GUCD1: variants seen among roughly 807,000 people sequenced by gnomAD.
GUCD1 encodes protein GUCD1.
Under a neutral mutation model 28.3 loss-of-function variants are expected in GUCD1, and 17 were observed. That is an observed-to-expected ratio of 0.60 (90% CI 0.41 to 0.90). The LOEUF is 0.90. Ranked by LOEUF, GUCD1 falls within the 40% of genes least tolerant of loss-of-function variation. The pLI, the probability that GUCD1 is intolerant of heterozygous loss-of-function variation, is 0.00. For synonymous variants in GUCD1, 129 were observed against 123.3 expected (o/e 1.05, Z -0.30); for missense variants, 279 against 305.5 (o/e 0.91, Z 0.65).
At chr22:24,552,445 A>T (rs1383690608) in intron 1 of GUCD1, among the ~76,000 whole-genome samples, 1 of 152,168 alleles carries the variant, frequency 6.6e-6, no homozygotes, top group Non-Finnish European at 1.5e-5. Context: ...TGAATGTTTA[A>T]TAGTAACTCA....
Position 24,543,919 on chromosome 22 carries a change from T to C in GUCD1, c.551A>G (p.Gln184Arg), listed in dbSNP as rs1461809680. Reference protein sequence around the residue: ...HHCFCRTPDYQGHFIVLRGYN... With the variant: ...HHCFCRTPDYRGHFIVLRGYN... ...GCCACGCAGCACGATGAAGTGGCCCTGGTAGTCAGGAGTGCGGCAGAAGCA... is the reference window on the plus strand; with the variant it reads ...GCCACGCAGCACGATGAAGTGGCCCCGGTAGTCAGGAGTGCGGCAGAAGCA... The change falls in exon 5 of 6, where the codon CAG (glutamine) becomes CGG (arginine). Residue 184 changes from glutamine to arginine, a missense_variant. By Grantham distance (43) the Gln-to-Arg change is conservative. Coordinates refer to ENST00000435822, the MANE Select transcript of GUCD1 (RefSeq NM_001284254.2). The C allele has an allele frequency of 6.2e-7, 1 of 1,613,988 alleles. No homozygotes were observed. The highest frequency in any genetic ancestry group is 1.1e-5 in the South Asian group (1 of 91,070).
Position 24,548,033 on chromosome 22 carries a change from G to A in GUCD1, c.169C>T (p.Leu57=). ...CTCCTGGTCAGCTGCAGCTTCTGCA[G>A]GGCTCTCTCAAACTCACTGTCGTCC... ...QLDDSEFERA[L]QKLQLTRSIW... Residue 57 remains leucine, a synonymous_variant, in exon 3 of 6, where the codon CTG becomes TTG. Coordinates refer to ENST00000435822, the MANE Select transcript of GUCD1 (RefSeq NM_001284254.2). The A allele has an allele frequency of 6.2e-7, 1 of 1,614,136 alleles. No individual in the cohort carries two copies.
chr22:24,553,918 A>G lies in GUCD1; in HGVS notation c.43+1031T>C, dbSNP rs150709560. On this transcript the variant is annotated intron_variant, in intron 1 of 5. Coordinates refer to ENST00000435822, the MANE Select transcript of GUCD1 (RefSeq NM_001284254.2). Reference sequence around the variant, plus strand: ...GTCCCCATAACAGCTTTAGCCTTCTAAACACAAAGCCACAGCCAGACGTTG... The same window carrying G: ...GTCCCCATAACAGCTTTAGCCTTCTGAACACAAAGCCACAGCCAGACGTTG... Among the ~76,000 whole-genome samples the G allele has an allele frequency of 3.0e-3, 451 of 152,356 alleles. 3 individuals are homozygous for G. The highest frequency in any genetic ancestry group is 0.027 in the Middle Eastern group (8 of 294).
At chr22:24,543,641 GCA>G (rs1366473923) in intron 5 of GUCD1, among the ~76,000 whole-genome samples, 199 bp downstream of exon 5, 1 of 152,126 alleles carries the variant, frequency 6.6e-6, no homozygotes, top group Non-Finnish European at 1.5e-5. Context: ...GAGGAGGCTG[GCA>G]CAGTTTGCGG....
chr22:24,555,302 G>C (rs1471281256), upstream of GUCD1: 4 of 1,385,544 alleles, frequency 2.9e-6, no homozygotes, highest in Non-Finnish European at 3.7e-6. Context: ...CCACCCTCTC[G>C]CCCAATCCTC....
At chr22:24,555,183 G>GGAGGCCCCGCCCCCTCCT, upstream of GUCD1, 1 of 1,301,738 alleles carries the variant, frequency 7.7e-7, no homozygotes, top group African/African-American at 1.5e-5. Flanking sequence ...TCTCGAATCT[G>GGAGGCCCCGCCCCCTCCT]GAGGCCCCGC....
chr22:24,548,875 T>C (rs1601545575), intron 2 of GUCD1, 42 bp downstream of exon 2: 3 of 1,445,100 alleles, frequency 2.1e-6, no homozygotes, highest in East Asian at 4.9e-5. Context: ...GCAGAAGATG[T>C]AGATGGGAAG....
intron 4 of GUCD1, among the ~76,000 whole-genome samples, chr22:24,544,605 C>T (rs1468260094): frequency 3.9e-5 from 6 of 152,208 alleles, no homozygotes; most frequent in Admixed American, 3.9e-4. Context: ...GGCTGGGCCA[C>T]ATTGCTTCCA....
intron 4 of GUCD1, among the ~76,000 whole-genome samples, chr22:24,545,626 C>CA (rs1369734738): frequency 1.3e-5 from 2 of 151,056 alleles, no homozygotes; most frequent in Non-Finnish European, 3.0e-5. Flanking sequence ...TTTTTTGAGA[C>CA]AGAGTCTGTC....
intron 3 of GUCD1, 98 bp downstream of exon 3, chr22:24,547,810 T>C (rs1179507222): frequency 9.3e-6 from 12 of 1,296,604 alleles, no homozygotes; most frequent in Non-Finnish European, 1.2e-5. Flanking sequence ...TACCTGGGTG[T>C]CTAGCCCTTG....
rs143222545 is a variant in GUCD1 at position 24,544,125 on chromosome 22, A to G, written c.387-42T>C. The G allele has an allele frequency of 2.1e-3, 3,266 of 1,590,496 alleles. 5 individuals are homozygous for G. Among genetic ancestry groups the G allele is most frequent in the Non-Finnish European group, 2.3e-3 (2,707 of 1,165,180 alleles). ...GGTCAGCTGGTGCTGCTGGGCCCCCATTCCCCATCCCTCAAATGGATCCCT... is the reference window on the plus strand; with the variant it reads ...GGTCAGCTGGTGCTGCTGGGCCCCCGTTCCCCATCCCTCAAATGGATCCCT... On this transcript the variant is annotated intron_variant, in intron 4 of 5. Coordinates refer to ENST00000435822, the MANE Select transcript of GUCD1 (RefSeq NM_001284254.2).
upstream of GUCD1, chr22:24,555,604 G>T: frequency 6.4e-7 from 1 of 1,550,396 alleles, no homozygotes; most frequent in Non-Finnish European, 8.7e-7. Context: ...CTCACTCAGG[G>T]CCCCCCTTAC....
intron 3 of GUCD1, chr22:24,547,421 T>C (rs546093120): frequency 5.1e-6 from 1 of 195,058 alleles, no homozygotes; most frequent in East Asian, 1.3e-4. Context: ...TTTGCTGGCA[T>C]GGCTATGTTG....
chr22:24,555,306 A>C, upstream of GUCD1: 3 of 1,380,094 alleles, frequency 2.2e-6, no homozygotes, highest in South Asian at 1.8e-5. Context: ...CCTCTCGCCC[A>C]ATCCTCGCGC....
At chr22:24,555,519 A>C, upstream of GUCD1, 1 of 1,392,660 alleles carries the variant, frequency 7.2e-7, no homozygotes, top group South Asian at 1.3e-5. Context: ...CTCTCCTCCA[A>C]CTGTCTTTAG....
rs1260246301 is a variant in GUCD1, at chr22:24,541,003, A to T, written c.*2003T>A. On this transcript the variant is annotated 3_prime_UTR_variant, in exon 6 of 6. Coordinates refer to ENST00000435822, the MANE Select transcript of GUCD1 (RefSeq NM_001284254.2). ...TTTCCTTCATACAGCTATTCTAACA[A>T]TTTTACCAGAACACCACCTGAAGAT... The T allele has an allele frequency of 5.9e-6, 1 of 169,682 alleles. No homozygotes were observed. Among genetic ancestry groups the T allele is most frequent in the Non-Finnish European group, 1.5e-5 (1 of 68,554 alleles). The allele number at this position is 169,682 out of a possible 1,614,324, so 10.5% of individuals were successfully genotyped here.
rs1165407138 is a variant in GUCD1 at position 24,546,997 on chromosome 22, G to A, written c.303C>T (p.Tyr101=). The part of the protein sequence containing the change: ...VDKGYKNQSF[Y]RKHFDTEETR... ...TCTCTTCTGTGTCAAAGTGCTTCCT[G>A]TAGAAGGACTGAACAGAGAAGAGGG... The change falls in exon 4 of 6, where the codon TAC becomes TAT. Residue 101 remains tyrosine, a synonymous_variant. Coordinates refer to ENST00000435822, the MANE Select transcript of GUCD1 (RefSeq NM_001284254.2). 3 of 1,613,640 alleles carry A rather than the reference G, an allele frequency of 1.9e-6. No homozygotes were observed. The Admixed American group carries it at 5.0e-5, about 27-fold the overall frequency.
chr22:24,554,258 TGGA>T (rs943805053), intron 1 of GUCD1, among the ~76,000 whole-genome samples: 3 of 152,298 alleles, frequency 2.0e-5, no homozygotes, highest in African/African-American at 2.4e-5. Flanking sequence ...GCTAGACAAC[TGGA>T]GGAGGAGGGT....
At chr22:24,555,429 C>T, upstream of GUCD1, 7 of 1,169,176 alleles carry the variant, frequency 6.0e-6, no homozygotes, top group Admixed American at 2.9e-5. Context: ...GCAAGCCCCG[C>T]CTCTGCCGGG....
Sources: gnomAD v4.1 joint callset for allele counts (sites outside exome capture counted in the v4.1 genomes callset) on GRCh38, gnomAD v4.1.1 for gene constraint, MANE v1.5 for transcripts, NCBI Gene and HGNC (gene_info 2026-07-23, HGNC 2026-07-21) for gene names.